The following MDGA2 variants were observed in gnomAD, a reference collection of about 807,000 sequenced individuals.
MDGA2 encodes the protein MAM domain containing glycosylphosphatidylinositol anchor 2, also known as MAM domain-containing glycosylphosphatidylinositol anchor protein 2.
A neutral mutation model predicts 117.8 loss-of-function variants in MDGA2; 40 were observed. That is an observed-to-expected ratio of 0.34 (90% CI 0.26 to 0.44). MDGA2 has a LOEUF of 0.44. MDGA2 is among the 20% of genes least tolerant of loss of function. The pLI is 1.00. For missense variants in MDGA2, 1,123 were observed against 1,250.6 expected, an observed-to-expected ratio of 0.90 and a Z score of 1.54; for synonymous variants, 452 against 439.0, an observed-to-expected ratio of 1.03 and a Z score of -0.37.
intron 8 of MDGA2, among the ~76,000 whole-genome samples, chr14:46,982,446 C>T (rs910092514): frequency 5.3e-5 from 8 of 151,906 alleles, no homozygotes; most frequent in African/African-American, 1.9e-4. Flanking sequence ...CATGGTGGCT[C>T]ATGCCTGTAA....
chr14:47,053,652 TATAC>T (rs1566595416), intron 7 of MDGA2, among the ~76,000 whole-genome samples: 23 of 91,768 alleles, frequency 2.5e-4, no homozygotes, highest in African/African-American at 7.8e-4. Flanking sequence ...TATATATATA[TATAC>T]ACACACACAC....
intron 7 of MDGA2, among the ~76,000 whole-genome samples, chr14:47,040,090 G>A (rs1889009111): frequency 6.6e-6 from 1 of 152,100 alleles, no homozygotes; most frequent in East Asian, 1.9e-4. Flanking sequence ...GCTTCTTGAA[G>A]GGTAGGCTAT....
At chr14:47,272,647 G>A (rs79492995) in intron 2 of MDGA2, among the ~76,000 whole-genome samples, 4,725 of 152,210 alleles carry the variant, frequency 0.031, 168 homozygotes, top group East Asian at 0.18. Context: ...AGGGAATACA[G>A]ATAATTTGAC....
chr14:46,965,704 G>T (rs1425595419), intron 8 of MDGA2, among the ~76,000 whole-genome samples: 1 of 152,094 alleles, frequency 6.6e-6, no homozygotes, highest in East Asian at 1.9e-4. Flanking sequence ...AGAAGGATAG[G>T]CCTTTGCAGT....
At chr14:47,575,214 C>A (rs781047929) in intron 1 of MDGA2, among the ~76,000 whole-genome samples, 1 of 152,064 alleles carries the variant, frequency 6.6e-6, no homozygotes, top group Admixed American at 6.6e-5. Flanking sequence ...ATGGAGAGGA[C>A]ATTTTATTAG....
At chr14:47,609,971 C>T (rs1896818399) in intron 1 of MDGA2, among the ~76,000 whole-genome samples, 1 of 151,930 alleles carries the variant, frequency 6.6e-6, no homozygotes, top group East Asian at 1.9e-4. Context: ...ATCCTTAACA[C>T]AATACTAGCT....
At chr14:47,513,438 T>C (rs920128295) in intron 1 of MDGA2, among the ~76,000 whole-genome samples, 4 of 152,120 alleles carry the variant, frequency 2.6e-5, no homozygotes, top group African/African-American at 9.6e-5. Context: ...CATTTAATTC[T>C]TTCCCACGAG....
intron 1 of MDGA2, among the ~76,000 whole-genome samples, chr14:47,335,743 T>TACAC (rs1267217900): frequency 1.5e-5 from 1 of 66,020 alleles, no homozygotes; most frequent in South Asian, 6.0e-4. Flanking sequence ...TTTATATATA[T>TACAC]ATATACATAC....
intron 1 of MDGA2, among the ~76,000 whole-genome samples, chr14:47,438,759 G>GA (rs1466347565): frequency 6.6e-6 from 1 of 152,060 alleles, no homozygotes; most frequent in Non-Finnish European, 1.5e-5. Flanking sequence ...TTCCAGTGTA[G>GA]AAAAAACTGG....
intron 1 of MDGA2, among the ~76,000 whole-genome samples, chr14:47,433,954 G>A (rs915257506): frequency 3.3e-5 from 5 of 152,026 alleles, no homozygotes; most frequent in African/African-American, 1.2e-4. Context: ...GGACATATCT[G>A]ATATTAGCAT....
At chr14:47,050,850 C>T (rs1472491996) in intron 7 of MDGA2, among the ~76,000 whole-genome samples, 1 of 151,882 alleles carries the variant, frequency 6.6e-6, no homozygotes, top group South Asian at 2.1e-4. Context: ...CTTTTGGGAG[C>T]GGGATATGGG....
intron 2 of MDGA2, among the ~76,000 whole-genome samples, chr14:47,268,355 A>C (rs2139694394): frequency 6.6e-6 from 1 of 152,266 alleles, no homozygotes; most frequent in African/African-American, 2.4e-5. Flanking sequence ...GATTATAGGC[A>C]TGAGCCAGTG....
At chr14:47,475,296 A>G (rs1027222561) in intron 1 of MDGA2, among the ~76,000 whole-genome samples, 1 of 152,222 alleles carries the variant, frequency 6.6e-6, no homozygotes, top group Non-Finnish European at 1.5e-5. Flanking sequence ...GCCAGTTAGA[A>G]TGGCAATTAT....
At position 47,043,622 on chromosome 14, in the gene MDGA2, A is replaced by G. The variant is rs577827402; in HGVS notation, c.1526-8318T>C. On this transcript the variant is annotated intron_variant, in intron 7 of 16. Transcript: ENST00000399232. ...AAAATCATGTCACTATATTATTTCA[A>G]TATCTACAGTAGTTTCCCATTTACC... is the stretch of plus-strand genomic sequence containing the variant. Among the ~76,000 whole-genome samples, 53 of 152,208 alleles carry G rather than the reference A, an allele frequency of 3.5e-4. No individual in the cohort carries two copies. In the South Asian group the frequency reaches 4.8e-3, roughly 14 times the overall value.
intron 6 of MDGA2, among the ~76,000 whole-genome samples, chr14:47,065,631 T>A (rs998979202): frequency 1.3e-5 from 2 of 152,206 alleles, no homozygotes; most frequent in African/African-American, 4.8e-5. Flanking sequence ...TGGTCAAATG[T>A]TCCATGAAGT....
chr14:47,610,556 T>C (rs1161192574), intron 1 of MDGA2, among the ~76,000 whole-genome samples: 2 of 151,506 alleles, frequency 1.3e-5, no homozygotes, highest in Non-Finnish European at 2.9e-5. Flanking sequence ...CAACCCCTTT[T>C]ACAATAGCTA....
In MDGA2 at chr14:47,457,803, T is replaced by G. The variant is rs527359545; in HGVS notation, c.281-156253A>C. ...TTTTCCTTCTCAGGCCACAGAGTCA[T>G]TTTTTTCTGTTTTTTTTTTTTGTTT... On this transcript the variant is annotated intron_variant, in intron 1 of 16. Coordinates refer to ENST00000399232, the MANE Select transcript of MDGA2 (RefSeq NM_001113498.3). 1.6e-4 allele frequency among the ~76,000 whole-genome samples: 9 copies of G among 55,832 alleles called. No individual in the cohort carries two copies. In the East Asian group the frequency reaches 0.012, roughly 74 times the overall value. 36.6% of individuals were successfully genotyped at this position (55,832 alleles called of 152,430 possible). A position where few individuals can be genotyped will look rare whatever the true frequency, so the allele number is the denominator to read the frequency against.
intron 5 of MDGA2, among the ~76,000 whole-genome samples, chr14:47,117,809 G>A (rs1415462350): frequency 6.6e-6 from 1 of 152,076 alleles, no homozygotes; most frequent in Non-Finnish European, 1.5e-5. Flanking sequence ...CAAGCAAGAA[G>A]AATAAGCTCT....
At chr14:47,243,538 GC>G (rs1295367413) in intron 2 of MDGA2, among the ~76,000 whole-genome samples, 1 of 151,410 alleles carries the variant, frequency 6.6e-6, no homozygotes, top group Non-Finnish European at 1.5e-5. Flanking sequence ...TCACTCCTGA[GC>G]CCAGCGAGAC....
Sources: gnomAD v4.1 joint callset for allele counts (sites outside exome capture counted in the v4.1 genomes callset) on GRCh38, gnomAD v4.1.1 for gene constraint, MANE v1.5 for transcripts, NCBI Gene and HGNC (gene_info 2026-07-23, HGNC 2026-07-21) for gene names.